The following UBR4 variants were observed in gnomAD, a reference collection of about 807,000 sequenced individuals.
The protein encoded by UBR4 is ubiquitin protein ligase E3 component n-recognin 4.
UBR4 carries 124 observed loss-of-function variants against 575.6 expected under a neutral mutation model. The ratio of observed to expected loss-of-function variants is 0.22; its 90% CI spans 0.19 to 0.25. The LOEUF is 0.25. UBR4 is among the 10% of genes least tolerant of loss of function. The pLI, the probability that UBR4 is intolerant of heterozygous loss-of-function variation, is 1.00. For missense variants in UBR4, 4,818 were observed against 6,478.8 expected (o/e 0.74, Z 8.80); for synonymous variants, 2,455 against 2,473.7 (o/e 0.99, Z 0.22).
At chr1:19,201,608 T>A in intron 2 of UBR4, 110 bp downstream of exon 2, 1 of 871,860 alleles carries the variant, frequency 1.1e-6, no homozygotes, top group East Asian at 2.8e-5. Context: ...AGCTTAGGAG[T>A]GCTAAAACCT....
rs1455610811 is a variant in UBR4 at position 19,089,210 on chromosome 1, T to C, written c.14212-233A>G. On this transcript the variant is annotated intron_variant, in intron 97 of 105. Coordinates refer to ENST00000375254, the MANE Select transcript of UBR4 (RefSeq NM_020765.3). The surrounding 1 kb of genome is among the most constrained non-coding windows in gnomAD (Gnocchi z 4.3). ...GCTCTAAGCTCAGTATTTCCATCTA[T>C]AAAATGGGGATAGTGCAAGGGCTGC... 6.6e-6 allele frequency among the ~76,000 whole-genome samples: 1 copy of C among 152,132 alleles called. No individual in the cohort carries two copies. The highest frequency in any genetic ancestry group is 1.5e-5 in the Non-Finnish European group (1 of 68,030).
intron 44 of UBR4, among the ~76,000 whole-genome samples, chr1:19,154,661 C>T (rs541659732): frequency 6.6e-6 from 1 of 152,284 alleles, no homozygotes; most frequent in African/African-American, 2.4e-5. Flanking sequence ...ATAGGTTTTC[C>T]TTCTGAGTAA....
chr1:19,100,057 G>A lies in UBR4; in HGVS notation c.13221+319C>T. ...GGGGTAAAACGCCAATATTTAGGGGGCTCAGGTAACTCAGACTCACCGAGA... is the reference window on the plus strand; with the variant it reads ...GGGGTAAAACGCCAATATTTAGGGGACTCAGGTAACTCAGACTCACCGAGA... On this transcript the variant is annotated intron_variant, in intron 89 of 105. Transcript: ENST00000375254. This position sits in a 1 kb window ranked among gnomAD's most constrained non-coding sequence, Gnocchi z 4.2. The A allele has an allele frequency of 2.3e-6, 1 of 426,200 alleles. No homozygotes were observed. Among genetic ancestry groups the A allele is most frequent in the East Asian group, 4.1e-5 (1 of 24,630 alleles). 26.4% of individuals were successfully genotyped at this position (426,200 alleles called of 1,614,324 possible).
chr1:19,201,875 C>T (rs1213219095), intron 1 of UBR4, 60 bp from the exon 2 acceptor site: 7 of 1,406,484 alleles, frequency 5.0e-6, no homozygotes, highest in Non-Finnish European at 6.0e-6. Flanking sequence ...TGCCAGATAC[C>T]CCTTTATGGA....
chr1:19,103,958 T>G (rs2078920635), intron 87 of UBR4, 126 bp downstream of exon 87: 22 of 1,107,764 alleles, frequency 2.0e-5, no homozygotes, highest in Non-Finnish European at 2.9e-5. Flanking sequence ...GAGTCTCCCT[T>G]TGAATGCAGG....
In UBR4 at chr1:19,168,138, C is replaced by CCT. The variant is rs1320851238; in HGVS notation, c.3787_3788insAG (p.Ser1263LysfsTer23). 1 of 1,608,096 alleles carries CCT rather than the reference C, an allele frequency of 6.2e-7. No homozygotes were observed. Among genetic ancestry groups the CCT allele is most frequent in the Non-Finnish European group, 8.5e-7 (1 of 1,175,770 alleles). ...CCCCAGGTGTGCAGCCTGCACTGCA[C>CCT]TAATATAACTCTCTGAAGGGATGGT... On this transcript the variant is annotated frameshift_variant, in exon 28 of 106. Coordinates refer to ENST00000375254, the MANE Select transcript of UBR4 (RefSeq NM_020765.3). LOFTEE classifies it high-confidence loss of function.
Position 19,175,987 on chromosome 1 carries a change from G to A in UBR4, c.2773+605C>T, listed in dbSNP as rs150524267. Reference sequence around the variant, plus strand: ...TATTAAAATAATTTTTGGTAGACGGGATCTACTCAGGCTGATCTCAAATTC... The same window carrying A: ...TATTAAAATAATTTTTGGTAGACGGAATCTACTCAGGCTGATCTCAAATTC... On this transcript the variant is annotated intron_variant, in intron 20 of 105. Coordinates refer to ENST00000375254, the MANE Select transcript of UBR4 (RefSeq NM_020765.3). 7.9e-5 allele frequency among the ~76,000 whole-genome samples: 12 copies of A among 152,034 alleles called. No homozygotes were observed. In the East Asian group the frequency reaches 2.3e-3, roughly 29 times the overall value.
intron 1 of UBR4, among the ~76,000 whole-genome samples, chr1:19,202,809 G>A (rs1457995802): frequency 2.6e-5 from 4 of 152,266 alleles, no homozygotes; most frequent in South Asian, 4.1e-4. Context: ...GTGGCTGGCC[G>A]GGTGTGGTGG....
intron 53 of UBR4, among the ~76,000 whole-genome samples, chr1:19,145,213 C>G (rs2084675821): frequency 6.6e-6 from 1 of 152,192 alleles, no homozygotes; most frequent in Admixed American, 6.5e-5. Flanking sequence ...AAGAGGAAGG[C>G]AGATACTAAA....
intron 81 of UBR4, among the ~76,000 whole-genome samples, 161 bp downstream of exon 81, chr1:19,109,935 A>G (rs1178631047): frequency 6.6e-6 from 1 of 152,238 alleles, no homozygotes; most frequent in Non-Finnish European, 1.5e-5. Flanking sequence ...CAAAAATCCC[A>G]ACCCATATCT....
rs745861111 is a variant in UBR4, at chr1:19,106,684, C to T, written c.12278G>A (p.Arg4093His). ...NGKAPSKSELRHLYLTEKYVW... is the reference protein window; with the variant it reads ...NGKAPSKSELHHLYLTEKYVW... ...ATACTTCTCAGTCAAATAGAGATGG[C>T]GGAGCTCTGATTTGCTGGGGGCTTT... Residue 4093 changes from arginine to histidine, a missense_variant, in exon 83 of 106, where the codon CGC (arginine) becomes CAC (histidine). Around this residue, in one of 29 missense-constraint regions of UBR4, gnomAD observed 178 missense variants for 175.5 expected, o/e 1.01. Coordinates refer to ENST00000375254, the MANE Select transcript of UBR4 (RefSeq NM_020765.3). 9.3e-6 allele frequency: 15 copies of T among 1,608,218 alleles called. No individual in the cohort carries two copies. The highest frequency in any genetic ancestry group is 3.4e-5 in the Admixed American group (2 of 59,416).
At chr1:19,078,566 A>G in intron 103 of UBR4, 1 of 159,278 alleles carries the variant, frequency 6.3e-6, no homozygotes, top group South Asian at 1.8e-4. Flanking sequence ...CTTGTCAAAC[A>G]TGTGCTGTGT....
rs1406001282 is a variant in UBR4, at chr1:19,210,180, C to T, written c.69G>A (p.Ala23=). The T allele has an allele frequency of 6.6e-7, 1 of 1,507,746 alleles. No homozygotes were observed. 93.4% of individuals were successfully genotyped at this position (1,507,746 alleles called of 1,614,324 possible). The stretch of plus-strand genomic sequence containing the variant: ...CCACCTCCCAGCCCGGGGTCGTGTC[C>T]GCCCCCGTTGCCGGGGTCCCCGGCG... ...APAPGTPATG[A]DTTPGWEVAV... The change falls in exon 1 of 106, where the codon GCG becomes GCA. Residue 23 remains alanine (A), a synonymous_variant. Transcript: ENST00000375254.
At chr1:19,197,632 CA>C in intron 7 of UBR4, 37 bp downstream of exon 7, 1 of 1,607,804 alleles carries the variant, frequency 6.2e-7, no homozygotes. Flanking sequence ...GTCCCAAAAA[CA>C]AAAAAAGTAA....
chr1:19,175,323 T>C (rs1436115843), intron 20 of UBR4, among the ~76,000 whole-genome samples: 4 of 146,478 alleles, frequency 2.7e-5, no homozygotes, highest in African/African-American at 9.7e-5. Flanking sequence ...AAATCACCCA[T>C]TGAGAACCAT....
Position 19,154,899 on chromosome 1 carries a change from A to G in UBR4, c.6458+19T>C. On this transcript the variant is annotated intron_variant, in intron 44 of 105. Coordinates refer to ENST00000375254, the MANE Select transcript of UBR4 (RefSeq NM_020765.3). Reference sequence around the variant, plus strand: ...AATGTGGACATTGCGGAAGTTGAACATTAAATGTTCATTCCCACCTTTTGA... The same window carrying G: ...AATGTGGACATTGCGGAAGTTGAACGTTAAATGTTCATTCCCACCTTTTGA... The G allele has an allele frequency of 3.7e-6, 6 of 1,614,106 alleles. No individual in the cohort carries two copies. Among genetic ancestry groups the G allele is most frequent in the Non-Finnish European group, 5.1e-6 (6 of 1,179,934 alleles).
rs1311753834 is a variant in UBR4 at position 19,156,430 on chromosome 1, A to G, written c.5920-7T>C. On this transcript the variant is annotated splice_region_variant and splice_polypyrimidine_tract_variant and intron_variant, in intron 41 of 105. Coordinates refer to ENST00000375254, the MANE Select transcript of UBR4 (RefSeq NM_020765.3). ...AGGTGAGCACATGACAGTCCTGGACAATGTTTAAGAAACAAAATGGTGAAA... is the reference window on the plus strand; with the variant it reads ...AGGTGAGCACATGACAGTCCTGGACGATGTTTAAGAAACAAAATGGTGAAA... The G allele has an allele frequency of 6.2e-7, 1 of 1,608,572 alleles. No individual in the cohort carries two copies. Among genetic ancestry groups the G allele is most frequent in the Admixed American group, 1.7e-5 (1 of 58,834 alleles).
At chr1:19,191,395 C>T (rs1456387767) in intron 11 of UBR4, among the ~76,000 whole-genome samples, 3 of 152,094 alleles carry the variant, frequency 2.0e-5, no homozygotes, top group Non-Finnish European at 4.4e-5. Context: ...TGCTTGAACC[C>T]GCGAAGTGGA....
At position 19,076,875 on chromosome 1, in the gene UBR4, C is replaced by CT. The variant is rs2075994606; in HGVS notation, c.15351dup (p.Gly5118ArgfsTer8). ...TACTCAGCGAGAGAGCAGGACCAGC[C>CT]TCCCTCTGTGTTACTGGTAGGCACC... is the stretch of plus-strand genomic sequence containing the variant. On this transcript the variant is annotated frameshift_variant, in exon 105 of 106. Coordinates refer to ENST00000375254, the MANE Select transcript of UBR4 (RefSeq NM_020765.3). LOFTEE classifies it high-confidence loss of function. 1 of 1,593,256 alleles carries CT rather than the reference C, an allele frequency of 6.3e-7. No homozygotes were observed. Among genetic ancestry groups the CT allele is most frequent in the Non-Finnish European group, 8.5e-7 (1 of 1,170,656 alleles).
Sources: allele counts gnomAD v4.1 joint callset (sites outside exome capture counted in the v4.1 genomes callset), GRCh38; gene constraint gnomAD v4.1.1; regional missense constraint gnomAD v4.1.1; non-coding constraint Gnocchi (gnomAD v3.1); transcripts MANE v1.5; gene names NCBI Gene and HGNC (gene_info 2026-07-23, HGNC 2026-07-21).